TRPM6: variants seen among roughly 807,000 people sequenced by gnomAD.
The protein encoded by TRPM6 is channel kinase 2.
TRPM6 carries 111 observed loss-of-function variants against 247.6 expected under a neutral mutation model. That is an observed-to-expected ratio of 0.45 (90% confidence interval 0.38 to 0.52). TRPM6 has a LOEUF of 0.52. TRPM6 is among the 20% of genes least tolerant of loss of function. The pLI, the probability that TRPM6 is intolerant of heterozygous loss-of-function variation, is 0.00. For missense variants in TRPM6, 2,126 were observed against 2,421.5 expected, an observed-to-expected ratio of 0.88 and a Z score of 2.56; for synonymous variants, 892 against 853.8, an observed-to-expected ratio of 1.04 and a Z score of -0.78.
At chr9:74,834,223 G>T in intron 5 of TRPM6, 101 bp from the exon 6 acceptor site, 1 of 1,417,522 alleles carries the variant, frequency 7.1e-7, no homozygotes, top group South Asian at 1.2e-5. Flanking sequence ...ATATGCAAGG[G>T]CTATTCTTAG....
intron 26 of TRPM6, 61 bp from the exon 27 acceptor site, chr9:74,761,869 A>C: frequency 6.6e-7 from 1 of 1,519,440 alleles, no homozygotes; most frequent in Non-Finnish European, 9.1e-7. Flanking sequence ...ATTTTGTTTT[A>C]CAGAAAAAGC....
At chr9:74,812,548 CT>C in intron 11 of TRPM6, 115 bp from the exon 12 acceptor site, 1 of 1,081,258 alleles carries the variant, frequency 9.2e-7, no homozygotes, top group Non-Finnish European at 1.4e-6. Context: ...AAATAAAATC[CT>C]GCCATCAGTG....
Position 74,732,722 on chromosome 9 carries a change from A to T in TRPM6, c.5791T>A (p.Leu1931Met). 1 of 1,609,528 alleles carries T rather than the reference A, an allele frequency of 6.2e-7. No homozygotes were observed. Among genetic ancestry groups the T allele is most frequent in the East Asian group, 2.2e-5 (1 of 44,636 alleles). ...VLDLQGVGEN[L>M]TDPSVIKPEV... ...GGTTTTATAACAGATGGATCTGTCA[A>T]ATTTTCTCCAACACCTCAAAAGAAG... is the stretch of plus-strand genomic sequence containing the variant. Residue 1931 changes from leucine (L) to methionine (M), a missense_variant, in exon 37 of 39, where the codon TTG becomes ATG. Physicochemically the swap from Leu to Met is conservative, Grantham distance 15. This residue lies in a region of TRPM6 where 327 missense variants were observed against 397.7 expected (regional missense o/e 0.82). Transcript: ENST00000360774.
At chr9:74,800,534 T>C (rs566807067) in intron 16 of TRPM6, 52 bp from the exon 17 acceptor site, 1 of 1,243,902 alleles carries the variant, frequency 8.0e-7, no homozygotes, top group African/African-American at 1.5e-5. Flanking sequence ...GAGAGCTGCA[T>C]TATTAGAAAC....
intron 1 of TRPM6, among the ~76,000 whole-genome samples, chr9:74,882,193 C>T (rs543553713): frequency 1.3e-5 from 2 of 152,140 alleles, no homozygotes; most frequent in East Asian, 3.9e-4. Flanking sequence ...AACAAAAGTA[C>T]ACAACTGATT....
At chr9:74,832,838 G>A (rs1829590962) in intron 6 of TRPM6, among the ~76,000 whole-genome samples, 1 of 152,094 alleles carries the variant, frequency 6.6e-6, no homozygotes. Context: ...ATCATCTGAG[G>A]TCAGGAGTTT....
intron 1 of TRPM6, among the ~76,000 whole-genome samples, chr9:74,882,050 T>G (rs1160878318): frequency 6.6e-6 from 1 of 151,992 alleles, no homozygotes; most frequent in East Asian, 1.9e-4. Flanking sequence ...AAAAATCAAC[T>G]CAAGATGCAT....
At chr9:74,780,518 G>C (rs1366135247) in intron 23 of TRPM6, among the ~76,000 whole-genome samples, 1 of 152,060 alleles carries the variant, frequency 6.6e-6, no homozygotes, top group African/African-American at 2.4e-5. Flanking sequence ...TCATTGTAGT[G>C]ACTTAAACTT....
Position 74,872,132 on chromosome 9 carries a change from T to C in TRPM6, c.34-13384A>G, listed in dbSNP as rs909587683. Reference sequence around the variant, plus strand: ...CCTCCTAAAGTGCTAGGATTACAGGTGTCAGCCACCATGCCTGGCTGCAAC... The same window carrying C: ...CCTCCTAAAGTGCTAGGATTACAGGCGTCAGCCACCATGCCTGGCTGCAAC... On this transcript the variant is annotated intron_variant, in intron 1 of 38. Coordinates refer to ENST00000360774, the MANE Select transcript of TRPM6 (RefSeq NM_017662.5). 2.7e-5 allele frequency among the ~76,000 whole-genome samples: 4 copies of C among 150,566 alleles called. No homozygotes were observed. In the East Asian group the frequency reaches 7.9e-4, roughly 30 times the overall value.
chr9:74,794,810 A>C (rs1480849063), intron 18 of TRPM6, among the ~76,000 whole-genome samples: 1 of 152,082 alleles, frequency 6.6e-6, no homozygotes, highest in Non-Finnish European at 1.5e-5. Context: ...AAGAAGGTAA[A>C]GACAAAAACA....
chr9:74,771,961 A>C, intron 24 of TRPM6, 126 bp from the exon 25 acceptor site: 1 of 873,350 alleles, frequency 1.1e-6, no homozygotes, highest in Non-Finnish European at 1.8e-6. Context: ...ACCTTGTCAA[A>C]CTATTTCTAA....
chr9:74,742,716 C>A (rs1825904155), intron 32 of TRPM6, 90 bp from the exon 33 acceptor site: 2 of 1,101,822 alleles, frequency 1.8e-6, no homozygotes, highest in Admixed American at 1.8e-5. Context: ...TCATATAATG[C>A]TATTTAATTT....
chr9:74,739,573 A>C lies in TRPM6; in HGVS notation c.5488-124T>G, dbSNP rs958615874. 4.7e-6 allele frequency: 7 copies of C among 1,503,744 alleles called. No homozygotes were observed. The African/African-American group carries it at 8.3e-5, about 18-fold the overall frequency. The allele number at this position is 1,503,744 out of a possible 1,614,324, so 93.2% of individuals were successfully genotyped here. A position where few individuals can be genotyped will look rare whatever the true frequency, so the allele number is the denominator to read the frequency against. On this transcript the variant is annotated intron_variant, in intron 34 of 38. Transcript: ENST00000360774. ...TTCAACTCCCACCACTGCCTGCCCC[A>C]AAAGCAAAAGTCCTACAAAGCAATA...
At chr9:74,864,560 C>T (rs1445348533) in intron 1 of TRPM6, among the ~76,000 whole-genome samples, 1 of 152,176 alleles carries the variant, frequency 6.6e-6, no homozygotes, top group African/African-American at 2.4e-5. Flanking sequence ...ATAGTCTGTC[C>T]AGGAGGCAGA....
intron 6 of TRPM6, among the ~76,000 whole-genome samples, chr9:74,832,356 ACT>A (rs1422224189): frequency 1.3e-5 from 2 of 152,178 alleles, no homozygotes; most frequent in Non-Finnish European, 2.9e-5. Context: ...AATATATGAA[ACT>A]TTTTTGGATA....
rs761537775 is a variant in TRPM6 at position 74,858,627 on chromosome 9, G to A, written c.113+42C>T. On this transcript the variant is annotated intron_variant, in intron 2 of 38. Transcript: ENST00000360774. The stretch of plus-strand genomic sequence containing the variant: ...TAAGTTTCTATAAATAGTCCATCAG[G>A]TAGTGTTGCTTTTAAAAGAAGAAGG... 11 of 1,263,406 alleles carry A rather than the reference G, an allele frequency of 8.7e-6. 1 individual carries two copies. Among genetic ancestry groups the A allele is most frequent in the South Asian group, 1.2e-5 (1 of 82,100 alleles). 78.3% of individuals were successfully genotyped at this position (1,263,406 alleles called of 1,614,324 possible).
intron 1 of TRPM6, chr9:74,875,282 C>A: frequency 2.2e-6 from 1 of 454,622 alleles, no homozygotes; most frequent in South Asian, 1.6e-5. Flanking sequence ...GTGACTCACG[C>A]CTGTAATCCC....
chr9:74,771,968 C>G, intron 24 of TRPM6, 133 bp from the exon 25 acceptor site: 2 of 836,396 alleles, frequency 2.4e-6, no homozygotes, highest in Non-Finnish European at 3.9e-6. Flanking sequence ...CAAACTATTT[C>G]TAATATTAAT....
intron 7 of TRPM6, 135 bp downstream of exon 7, chr9:74,827,643 G>A: frequency 1.2e-6 from 1 of 866,046 alleles, no homozygotes; most frequent in Non-Finnish European, 2.0e-6. Context: ...CATGTGGGAA[G>A]GGGGGTGGCT....
Sources: gnomAD v4.1 joint callset for allele counts (sites outside exome capture counted in the v4.1 genomes callset) on GRCh38, gnomAD v4.1.1 for gene constraint, gnomAD v4.1.1 regional missense constraint, MANE v1.5 for transcripts, NCBI Gene and HGNC (gene_info 2026-07-23, HGNC 2026-07-21) for gene names.